CCDC7: variants seen among roughly 807,000 people sequenced by gnomAD.
CCDC7 encodes coiled-coil domain containing 7, also known as coiled-coil domain-containing protein 7.
CCDC7 carries 183 observed loss-of-function variants against 196.9 expected under a neutral mutation model. That is an observed-to-expected ratio of 0.93 (90% confidence interval 0.82 to 1.05). The LOEUF (loss-of-function observed/expected upper bound fraction) is 1.05, where lower values mean the gene tolerates loss of function less well. Ranked by LOEUF, CCDC7 falls within the 50% of genes least tolerant of loss-of-function variation. CCDC7 has a pLI of 0.00. For synonymous variants in CCDC7, 525 were observed against 484.6 expected (o/e 1.08, Z -1.10); for missense variants, 1,540 against 1,482.2 (o/e 1.04, Z -0.64).
At chr10:32,818,571 T>C (rs1300661977) in intron 31 of CCDC7, among the ~76,000 whole-genome samples, 1 of 152,130 alleles carries the variant, frequency 6.6e-6, no homozygotes, top group Admixed American at 6.5e-5. Context: ...ATTCCAAAAT[T>C]GACCACATAG....
At chr10:32,556,957 A>T (rs542829733) in intron 13 of CCDC7, among the ~76,000 whole-genome samples, 47 of 152,284 alleles carry the variant, frequency 3.1e-4, no homozygotes, top group African/African-American at 1.1e-3. Flanking sequence ...GTTTATGGAC[A>T]TGTTTCCTCA....
At chr10:32,479,629 GTA>G (rs1265895546) in intron 8 of CCDC7, among the ~76,000 whole-genome samples, 1 of 152,102 alleles carries the variant, frequency 6.6e-6, no homozygotes, top group Admixed American at 6.6e-5. Context: ...AAAGATATTT[GTA>G]TCCATATTCA....
intron 8 of CCDC7, among the ~76,000 whole-genome samples, chr10:32,486,389 GTC>G (rs1387142510): frequency 6.6e-6 from 1 of 151,508 alleles, no homozygotes; most frequent in African/African-American, 2.4e-5. Context: ...GCCTGTGTGT[GTC>G]TCTGCACGTG....
intron 23 of CCDC7, 133 bp downstream of exon 24, chr10:32,689,296 T>C (rs985795507): frequency 1.5e-5 from 9 of 584,094 alleles, no homozygotes; most frequent in African/African-American, 9.6e-5. Flanking sequence ...AAGAAAAAAG[T>C]GAAAAATATT....
rs542909778 is a variant in CCDC7, at chr10:32,665,068, T to G, written c.2122+907T>G. Reference sequence around the variant, plus strand: ...TGCATGTCCCTGATGATTAGTGATGTTGAACACTTGTTCATATACCTGTTG... The same window carrying G: ...TGCATGTCCCTGATGATTAGTGATGGTGAACACTTGTTCATATACCTGTTG... On this transcript the variant is annotated intron_variant, in intron 21 of 41. Transcript: ENST00000639629. Among the ~76,000 whole-genome samples, 3 of 152,182 alleles carry G rather than the reference T, an allele frequency of 2.0e-5. No homozygotes were observed. In the South Asian group the frequency reaches 6.2e-4, roughly 32 times the overall value.
intron 24 of CCDC7, among the ~76,000 whole-genome samples, chr10:32,701,534 A>G (rs1323498664): frequency 1.3e-5 from 2 of 152,158 alleles, no homozygotes; most frequent in East Asian, 3.8e-4. Flanking sequence ...GGCCTCATAA[A>G]ATGAGTTAGG....
Position 32,471,241 on chromosome 10 carries a change from T to G in CCDC7, c.677+11T>G, listed in dbSNP as rs1340063980. The stretch of plus-strand genomic sequence containing the variant: ...GTTGTCTAAAACTATGTAAGTGAAA[T>G]ATAAGAACTAATTGAATTAAAAACA... On this transcript the variant is annotated intron_variant, in intron 6 of 41. Coordinates refer to ENST00000639629, the Ensembl canonical transcript of CCDC7. 3.1e-6 allele frequency: 5 copies of G among 1,601,288 alleles called. No homozygotes were observed. In the East Asian group the frequency reaches 6.7e-5, roughly 22 times the overall value.
chr10:32,847,778 T>C, intron 37 of CCDC7, 55 bp from the exon 39 acceptor site: 1 of 1,039,716 alleles, frequency 9.6e-7, no homozygotes, highest in Non-Finnish European at 1.4e-6. Flanking sequence ...AAAATACATG[T>C]GTAACATAAA....
intron 24 of CCDC7, among the ~76,000 whole-genome samples, chr10:32,708,284 T>A (rs2080168944): frequency 1.3e-5 from 2 of 152,230 alleles, no homozygotes; most frequent in South Asian, 2.1e-4. Context: ...GAAAGCTGAA[T>A]CTGGATCCCT....
At chr10:32,556,453 C>T (rs1444037680) in intron 13 of CCDC7, among the ~76,000 whole-genome samples, 1 of 152,090 alleles carries the variant, frequency 6.6e-6, no homozygotes, top group Non-Finnish European at 1.5e-5. Flanking sequence ...TTTATCATAT[C>T]TCAAATTTTT....
chr10:32,868,178 T>G (rs2488299), intron 41 of CCDC7, among the ~76,000 whole-genome samples: 51,871 of 151,880 alleles, frequency 0.34, 11,285 homozygotes, highest in Non-Finnish European at 0.49. Flanking sequence ...CAGCTGACAC[T>G]TGGGCTTCCT....
chr10:32,647,655 G>A (rs1411167871), intron 20 of CCDC7, among the ~76,000 whole-genome samples: 2 of 152,046 alleles, frequency 1.3e-5, no homozygotes, highest in Non-Finnish European at 2.9e-5. Flanking sequence ...GTCTGTTCAT[G>A]TCTGTTGCCC....
chr10:32,590,817 C>A (rs2059713471), intron 18 of CCDC7, among the ~76,000 whole-genome samples: 1 of 151,710 alleles, frequency 6.6e-6, no homozygotes, highest in Non-Finnish European at 1.5e-5. Context: ...TCTCTCCAGG[C>A]CTGTAAGATT....
intron 20 of CCDC7, among the ~76,000 whole-genome samples, chr10:32,639,070 G>A (rs980285964): frequency 6.6e-6 from 1 of 152,074 alleles, no homozygotes; most frequent in African/African-American, 2.4e-5. Context: ...TGGGATCGCT[G>A]GTGATGTCCT....
chr10:32,773,040 C>T (rs2079417791), intron 28 of CCDC7, among the ~76,000 whole-genome samples: 1 of 152,190 alleles, frequency 6.6e-6, no homozygotes, highest in Non-Finnish European at 1.5e-5. Flanking sequence ...GCTGAGAAAT[C>T]AACTGAAAGT....
intron 29 of CCDC7, among the ~76,000 whole-genome samples, chr10:32,798,679 G>A (rs948379556): frequency 1.3e-5 from 2 of 152,158 alleles, no homozygotes; most frequent in Admixed American, 1.3e-4. Flanking sequence ...CCATGAATCA[G>A]CATATAATTG....
chr10:32,825,129 C>A (rs2090922103), intron 32 of CCDC7, among the ~76,000 whole-genome samples: 1 of 152,144 alleles, frequency 6.6e-6, no homozygotes, highest in African/African-American at 2.4e-5. Flanking sequence ...GTGTTATACC[C>A]ATAGAGGCAG....
intron 11 of CCDC7, among the ~76,000 whole-genome samples, chr10:32,523,073 G>T (rs183448135): frequency 6.6e-6 from 1 of 152,164 alleles, no homozygotes; most frequent in African/African-American, 2.4e-5. Flanking sequence ...CTTGTTTTGT[G>T]ACCTAACATA....
At chr10:32,471,222 T>C in exon 6 of CCDC7, 1 of 1,605,840 alleles carries the variant, frequency 6.2e-7, no homozygotes, top group South Asian at 1.1e-5. Flanking sequence ...TCATGTTGTC[T>C]AAAACTATGT....
Sources: gnomAD v4.1 joint callset for allele counts (sites outside exome capture counted in the v4.1 genomes callset) on GRCh38, gnomAD v4.1.1 for gene constraint, MANE v1.5 for transcripts, NCBI Gene and HGNC (gene_info 2026-07-23, HGNC 2026-07-21) for gene names.